The following LMBR1 variants were observed in gnomAD, a reference collection of about 807,000 sequenced individuals.
The protein encoded by LMBR1 is limb region 1 protein homolog.
Under a neutral mutation model 73.9 loss-of-function variants are expected in LMBR1, and 52 were observed. That is an observed-to-expected ratio of 0.70 (90% CI 0.56 to 0.89). LMBR1 has a LOEUF of 0.89. LMBR1 is among the 40% of genes least tolerant of loss of function. LMBR1 has a pLI of 0.00. For missense variants in LMBR1, 539 were observed against 579.8 expected, an observed-to-expected ratio of 0.93 and a Z score of 0.72; for synonymous variants, 215 against 209.4, an observed-to-expected ratio of 1.03 and a Z score of -0.23.
chr7:156,846,240 T>C (rs1795462931), intron 1 of LMBR1, among the ~76,000 whole-genome samples: 1 of 152,110 alleles, frequency 6.6e-6, no homozygotes. Context: ...CTCATGCCAC[T>C]GCACTCCAGC....
At chr7:156,811,393 C>T (rs1046921744) in intron 4 of LMBR1, among the ~76,000 whole-genome samples, 1 of 151,796 alleles carries the variant, frequency 6.6e-6, no homozygotes, top group African/African-American at 2.4e-5. Context: ...AGGTGGATCA[C>T]GAGGTCAAGA....
intron 15 of LMBR1, among the ~76,000 whole-genome samples, chr7:156,708,645 ATTTCTTGAGCAAAT>A (rs1459156136): frequency 6.6e-6 from 1 of 152,150 alleles, no homozygotes; most frequent in Non-Finnish European, 1.5e-5. Flanking sequence ...CTTGAGCAGA[ATTTCTTGAGCAAAT>A]TTTCTTGAGC....
At chr7:156,874,203 C>T (rs896433119) in intron 1 of LMBR1, among the ~76,000 whole-genome samples, 1 of 152,272 alleles carries the variant, frequency 6.6e-6, no homozygotes, top group African/African-American at 2.4e-5. Flanking sequence ...AGTGGGCCGG[C>T]ACCGCTGGAG....
At chr7:156,891,139 C>A (rs1278917237) in intron 1 of LMBR1, among the ~76,000 whole-genome samples, 5 of 138,284 alleles carry the variant, frequency 3.6e-5, no homozygotes, top group Non-Finnish European at 7.6e-5. Flanking sequence ...TGCAGTGAGC[C>A]GAGATTGTGC....
chr7:156,891,364 G>C (rs1802954463), intron 1 of LMBR1, among the ~76,000 whole-genome samples: 1 of 150,668 alleles, frequency 6.6e-6, no homozygotes, highest in Admixed American at 6.6e-5. Context: ...TTGTGCTATA[G>C]TCACACAACT....
chr7:156,761,342 CATT>C (rs1164858275), intron 8 of LMBR1, among the ~76,000 whole-genome samples: 1 of 152,146 alleles, frequency 6.6e-6, no homozygotes, highest in East Asian at 1.9e-4. Context: ...AGCGACAAAT[CATT>C]AGAATTACAA....
At position 156,713,699 on chromosome 7, in the gene LMBR1, C is replaced by CTTA. The variant is rs1812589178; in HGVS notation, c.1225+10412_1225+10413insTAA. On this transcript the variant is annotated intron_variant, in intron 15 of 16. Coordinates refer to ENST00000353442, the MANE Select transcript of LMBR1 (RefSeq NM_022458.4). ...CACTATCTTGATGGCAGTGGTGGTC[C>CTTA]TACAGGTGTTTGTATAAGTCAAAAC... is the stretch of plus-strand genomic sequence containing the variant. Among the ~76,000 whole-genome samples the CTTA allele has an allele frequency of 2.0e-5, 3 of 152,052 alleles. No homozygotes were observed. In the South Asian group the frequency reaches 6.2e-4, roughly 32 times the overall value.
intron 1 of LMBR1, among the ~76,000 whole-genome samples, chr7:156,891,462 C>T (rs1045098047): frequency 6.6e-6 from 1 of 151,096 alleles, no homozygotes; most frequent in Non-Finnish European, 1.5e-5. Context: ...AGAGTATATA[C>T]GGTAAGATTC....
At chr7:156,811,178 G>A (rs2133606580) in intron 4 of LMBR1, among the ~76,000 whole-genome samples, 1 of 152,198 alleles carries the variant, frequency 6.6e-6, no homozygotes, top group Middle Eastern at 3.4e-3. Flanking sequence ...TGTCTAATCT[G>A]CTATTAATCT....
At chr7:156,831,768 T>C (rs1836734713) in intron 3 of LMBR1, among the ~76,000 whole-genome samples, 1 of 152,202 alleles carries the variant, frequency 6.6e-6, no homozygotes, top group African/African-American at 2.4e-5. Context: ...AATGTACTTT[T>C]AGGGGTAAAA....
intron 1 of LMBR1, among the ~76,000 whole-genome samples, chr7:156,860,147 T>C (rs7779025): frequency 0.46 from 69,801 of 151,994 alleles, 16,242 homozygotes; most frequent in East Asian, 0.61. Context: ...TGTATTAGTC[T>C]GTTTTCACAC....
chr7:156,823,097 G>A (rs1339502270), intron 4 of LMBR1: 2 of 151,494 alleles, frequency 1.3e-5, no homozygotes, highest in Non-Finnish European at 2.9e-5. Flanking sequence ...GGGCAACAGA[G>A]CAACACTTCA....
chr7:156,764,877 T>G (rs1436327913), intron 5 of LMBR1, among the ~76,000 whole-genome samples: 1 of 152,198 alleles, frequency 6.6e-6, no homozygotes, highest in Admixed American at 6.5e-5. Context: ...TGATAACCTC[T>G]GAGGTGAAGT....
chr7:156,695,604 G>A (rs373436074), intron 15 of LMBR1, among the ~76,000 whole-genome samples: 1 of 152,072 alleles, frequency 6.6e-6, no homozygotes, highest in African/African-American at 2.4e-5. Flanking sequence ...TGCCATGACA[G>A]CAGCACCAAG....
intron 7 of LMBR1, among the ~76,000 whole-genome samples, chr7:156,762,434 A>G (rs1215516278): frequency 6.6e-6 from 1 of 152,230 alleles, no homozygotes; most frequent in East Asian, 1.9e-4. Context: ...ATATGTGACA[A>G]CAAAAAAAGG....
At chr7:156,690,637 T>C (rs1806984792) in intron 15 of LMBR1, among the ~76,000 whole-genome samples, 1 of 152,194 alleles carries the variant, frequency 6.6e-6, no homozygotes, top group African/African-American at 2.4e-5. Flanking sequence ...ATCAGATGTT[T>C]TGGTTTTCAG....
Position 156,744,335 on chromosome 7 carries a change from TG to T in LMBR1, c.758-10079del, listed in dbSNP as rs368153863. On this transcript the variant is annotated intron_variant, in intron 9 of 16. Transcript: ENST00000353442. ...TCTGGAATTTTTCTATGTGAAAGTT[TG>T]TAAGGGCTTTTTTTTTTTTCCATTG... 8.0e-4 allele frequency among the ~76,000 whole-genome samples: 121 copies of T among 151,878 alleles called. 1 individual carries two copies. The highest frequency in any genetic ancestry group is 2.9e-3 in the African/African-American group (120 of 41,518).
intron 9 of LMBR1, among the ~76,000 whole-genome samples, chr7:156,756,048 T>A (rs755846041): frequency 6.6e-6 from 1 of 152,240 alleles, no homozygotes; most frequent in South Asian, 2.1e-4. Context: ...TTAAACTATA[T>A]CATTACTCTT....
chr7:156,845,807 C>G (rs1388134048), intron 1 of LMBR1, among the ~76,000 whole-genome samples: 1 of 151,946 alleles, frequency 6.6e-6, no homozygotes, highest in East Asian at 1.9e-4. Context: ...AACGACTGTG[C>G]CCAATTCAAT....
Sources: allele counts gnomAD v4.1 joint callset (sites outside exome capture counted in the v4.1 genomes callset), GRCh38; gene constraint gnomAD v4.1.1; transcripts MANE v1.5; gene names NCBI Gene and HGNC (gene_info 2026-07-23, HGNC 2026-07-21).